DLGAP2: variants seen among roughly 807,000 people sequenced by gnomAD.
DLGAP2 encodes DLG associated protein 2.
Under a neutral mutation model 100.3 loss-of-function variants are expected in DLGAP2, and 26 were observed. That is an observed-to-expected ratio of 0.26 (90% CI 0.19 to 0.36). DLGAP2 has a LOEUF of 0.36. DLGAP2 is among the 10% of genes least tolerant of loss of function. The pLI, the probability that DLGAP2 is intolerant of heterozygous loss-of-function variation, is 1.00. For missense variants in DLGAP2, 1,858 were observed against 1,453.2 expected (o/e 1.28, Z -4.53); for synonymous variants, 886 against 630.1 (o/e 1.41, Z -6.08).
intron 2 of DLGAP2, among the ~76,000 whole-genome samples, chr8:1,194,656 C>T (rs1434251262): frequency 1.3e-5 from 2 of 152,216 alleles, no homozygotes; most frequent in Admixed American, 1.3e-4. Flanking sequence ...GTTGGGGCTG[C>T]TGCTTTGGGA....
chr8:953,490 C>T (rs888125881), intron 2 of DLGAP2, among the ~76,000 whole-genome samples: 1 of 152,186 alleles, frequency 6.6e-6, no homozygotes, highest in Non-Finnish European at 1.5e-5. Flanking sequence ...CCGTGCCTGG[C>T]CCAAATTTTT....
chr8:753,952 C>T (rs192936692), intron 1 of DLGAP2: 5 of 152,362 alleles, frequency 3.3e-5, no homozygotes, highest in East Asian at 1.9e-4. Context: ...CGACCCTGGG[C>T]GCGGTGTCAG....
chr8:1,338,403 T>C (rs558352125), intron 3 of DLGAP2, among the ~76,000 whole-genome samples: 7 of 152,288 alleles, frequency 4.6e-5, no homozygotes, highest in African/African-American at 7.2e-5. Flanking sequence ...GTCCACCTAC[T>C]GCATGATTCT....
chr8:973,519 G>C (rs1476441027), intron 2 of DLGAP2, among the ~76,000 whole-genome samples: 1 of 152,144 alleles, frequency 6.6e-6, no homozygotes, highest in Non-Finnish European at 1.5e-5. Flanking sequence ...GACGATGGGC[G>C]GCCGGGCAGA....
In DLGAP2 at chr8:1,306,469, T is replaced by C. The variant is rs149470762; in HGVS notation, c.106+47586T>C. Among the ~76,000 whole-genome samples the C allele has an allele frequency of 1.2e-3, 189 of 152,312 alleles. 2 individuals carry two copies. In the Middle Eastern group the frequency reaches 0.024, roughly 19 times the overall value. The stretch of plus-strand genomic sequence containing the variant: ...ATGAACGGAAAGACATCTGTGTTCA[T>C]GGATTGAAAGGCTTACTGTTGTTAA... On this transcript the variant is annotated intron_variant, in intron 3 of 14. Coordinates refer to ENST00000637795, the MANE Select transcript of DLGAP2 (RefSeq NM_001346810.2).
chr8:1,290,479 G>A (rs1254945728), intron 3 of DLGAP2, among the ~76,000 whole-genome samples: 1 of 152,150 alleles, frequency 6.6e-6, no homozygotes, highest in Non-Finnish European at 1.5e-5. Flanking sequence ...CTCATCAGAG[G>A]ATAAAATCAT....
At chr8:1,353,347 C>T (rs1487053832) in intron 3 of DLGAP2, among the ~76,000 whole-genome samples, 2 of 152,216 alleles carry the variant, frequency 1.3e-5, no homozygotes, top group Non-Finnish European at 2.9e-5. Flanking sequence ...AAGTAATGCA[C>T]ATTCATTAGA....
chr8:1,110,728 T>C (rs1441924672), intron 2 of DLGAP2, among the ~76,000 whole-genome samples: 2 of 151,570 alleles, frequency 1.3e-5, no homozygotes, highest in African/African-American at 2.4e-5. Context: ...TTTTTTTTTT[T>C]TTTTGAGAGA....
At chr8:1,500,398 T>C (rs927493033) in intron 3 of DLGAP2, among the ~76,000 whole-genome samples, 6 of 151,402 alleles carry the variant, frequency 4.0e-5, no homozygotes, top group Non-Finnish European at 7.4e-5. Flanking sequence ...GATCCAGCTG[T>C]GTCTGCACTG....
chr8:920,582 C>T (rs922328575), intron 2 of DLGAP2, among the ~76,000 whole-genome samples: 1 of 151,874 alleles, frequency 6.6e-6, no homozygotes, highest in Non-Finnish European at 1.5e-5. Context: ...ATGGTGAGAC[C>T]CCATCTCTAC....
rs1312171066 is a variant in DLGAP2, at chr8:1,110,836, G to C, written c.74-148015G>C. On this transcript the variant is annotated intron_variant, in intron 2 of 14. Coordinates refer to ENST00000637795, the MANE Select transcript of DLGAP2 (RefSeq NM_001346810.2). ...TCACCCTGCACAGCCCTGACCCCCG[G>C]GACCCCACACACCCTCTGTGCCTGG... Among the ~76,000 whole-genome samples the C allele has an allele frequency of 1.6e-4, 24 of 151,706 alleles. 1 individual carries two copies. Among genetic ancestry groups the C allele is most frequent in the Admixed American group, 1.6e-3 (24 of 15,238 alleles).
chr8:1,533,863 G>A (rs1007824734), intron 4 of DLGAP2, among the ~76,000 whole-genome samples: 2 of 152,144 alleles, frequency 1.3e-5, no homozygotes, highest in Non-Finnish European at 2.9e-5. Flanking sequence ...AGGCTGAGGT[G>A]GGAGGATTGC....
Position 1,184,295 on chromosome 8 carries a change from G to A in DLGAP2, c.74-74556G>A, listed in dbSNP as rs577774155. Among the ~76,000 whole-genome samples, 127 of 152,352 alleles carry A rather than the reference G, an allele frequency of 8.3e-4. No individual in the cohort carries two copies. In the South Asian group the frequency reaches 0.017, roughly 21 times the overall value. ...TTATTATTTCAAGACATGAAACTTG[G>A]TGAAAGTGTACACAGGTGCTCAGTA... On this transcript the variant is annotated intron_variant, in intron 2 of 14. Coordinates refer to ENST00000637795, the MANE Select transcript of DLGAP2 (RefSeq NM_001346810.2).
chr8:901,045 C>G (rs1407054114), intron 1 of DLGAP2, among the ~76,000 whole-genome samples: 1 of 152,144 alleles, frequency 6.6e-6, no homozygotes, highest in Non-Finnish European at 1.5e-5. Context: ...AATCCCAGCA[C>G]TTTAGGAGGC....
intron 4 of DLGAP2, among the ~76,000 whole-genome samples, chr8:1,542,296 T>C (rs2130494086): frequency 6.6e-6 from 1 of 152,238 alleles, no homozygotes; most frequent in East Asian, 1.9e-4. Flanking sequence ...GGATGTACAA[T>C]TCGGTAGCAT....
Position 1,598,252 on chromosome 8 carries a change from T to A in DLGAP2, c.1443-28488T>A, listed in dbSNP as rs1796520049. On this transcript the variant is annotated intron_variant, in intron 6 of 14. Transcript: ENST00000637795. Reference sequence around the variant, plus strand: ...GTGGATAAACTTTTTGATGTGCTGCTGTATTCAGTTTGCCAGTATTTTATT... The same window carrying A: ...GTGGATAAACTTTTTGATGTGCTGCAGTATTCAGTTTGCCAGTATTTTATT... Among the ~76,000 whole-genome samples the A allele has an allele frequency of 2.0e-5, 3 of 152,238 alleles. No individual in the cohort carries two copies. The South Asian group carries it at 6.2e-4, about 31-fold the overall frequency.
intron 1 of DLGAP2, among the ~76,000 whole-genome samples, chr8:890,816 C>T (rs1028507264): frequency 2.6e-5 from 4 of 152,168 alleles, no homozygotes; most frequent in African/African-American, 7.2e-5. Flanking sequence ...TGTGCCCAAG[C>T]CACCCTGGGG....
intron 2 of DLGAP2, among the ~76,000 whole-genome samples, chr8:961,371 A>T (rs1799721399): frequency 6.6e-6 from 1 of 151,406 alleles, no homozygotes; most frequent in African/African-American, 2.4e-5. Context: ...GACTCCACAC[A>T]ATTTTGCATA....
chr8:1,197,791 C>A (rs1406814320), intron 2 of DLGAP2, among the ~76,000 whole-genome samples: 1 of 152,232 alleles, frequency 6.6e-6, no homozygotes, highest in Middle Eastern at 3.2e-3. Context: ...ACATGAACCG[C>A]ACTACCTTTT....
Sources: gnomAD v4.1 joint callset for allele counts (sites outside exome capture counted in the v4.1 genomes callset) on GRCh38, gnomAD v4.1.1 for gene constraint, MANE v1.5 for transcripts, NCBI Gene and HGNC (gene_info 2026-07-23, HGNC 2026-07-21) for gene names.